The following PCDHGA7 variants were observed in gnomAD, a reference collection of about 807,000 sequenced individuals.
PCDHGA7 encodes protocadherin gamma subfamily A, 7.
A neutral mutation model predicts 58.3 loss-of-function variants in PCDHGA7; 44 were observed. The observed-to-expected ratio is 0.75, with a 90% CI of 0.59 to 0.97. The LOEUF is 0.97. Among genes scored for constraint, PCDHGA7 ranks in the 50% least tolerant of loss-of-function variants. PCDHGA7 has a pLI of 0.00. For missense variants in PCDHGA7, 1,266 were observed against 1,188.7 expected (o/e 1.06, Z -0.96); for synonymous variants, 516 against 504.2 (o/e 1.02, Z -0.31).
At chr5:141,388,969 C>A (rs1392290138) in intron 1 of PCDHGA7, 1 of 1,613,882 alleles carries the variant, frequency 6.2e-7, no homozygotes, top group Non-Finnish European at 8.5e-7. Context: ...GAGCTGGGAA[C>A]ACATATTGCT....
chr5:141,389,478 G>C (rs764977787), intron 1 of PCDHGA7: 1 of 1,613,150 alleles, frequency 6.2e-7, no homozygotes, highest in Non-Finnish European at 8.5e-7. Context: ...CACACTGCAG[G>C]CCCGCGACCA....
At chr5:141,389,394 T>C (rs753490190) in intron 1 of PCDHGA7, 2 of 1,613,672 alleles carry the variant, frequency 1.2e-6, no homozygotes, top group South Asian at 2.2e-5. Flanking sequence ...ATCCTACGTG[T>C]CCATAAGCGC....
Position 141,431,479 on chromosome 5 carries a change from A to T in PCDHGA7, c.2424+46156A>T. 1 of 1,613,892 alleles carries T rather than the reference A, an allele frequency of 6.2e-7. No individual in the cohort carries two copies. Among genetic ancestry groups the T allele is most frequent in the South Asian group, 1.1e-5 (1 of 91,092 alleles). On this transcript the variant is annotated intron_variant, in intron 1 of 3. Transcript: ENST00000518325. This position sits in a 1 kb window ranked among gnomAD's most constrained non-coding sequence, Gnocchi z 4.8. ...TTCTGGATGCGAACGACAACGCACC[A>T]GCGTTTGCTCAGCCCGAGTACCGCG...
At position 141,477,891 on chromosome 5, in the gene PCDHGA7, G is replaced by A. The variant is rs750359063; in HGVS notation, c.2425-16916G>A. 130 of 1,614,066 alleles carry A rather than the reference G, an allele frequency of 8.1e-5. 1 individual carries two copies. The highest frequency in any genetic ancestry group is 1.1e-4 in the Non-Finnish European group (125 of 1,180,050). On this transcript the variant is annotated intron_variant, in intron 1 of 3. Coordinates refer to ENST00000518325, the MANE Select transcript of PCDHGA7 (RefSeq NM_018920.4). The surrounding 1 kb of genome is among the most constrained non-coding windows in gnomAD (Gnocchi z 4.9). The stretch of plus-strand genomic sequence containing the variant: ...ACCTCAGCTGGCCACCTAGTGTCAC[G>A]GGTGGTAGGCTGGGACGCGGATGCA...
intron 1 of PCDHGA7, chr5:141,423,517 T>G (rs750915364): frequency 1.9e-6 from 3 of 1,613,716 alleles, no homozygotes; most frequent in Non-Finnish European, 2.5e-6. Flanking sequence ...CATTGCGGAC[T>G]CGCAGAAGAG....
At chr5:141,445,781 G>A (rs1424622281) in intron 1 of PCDHGA7, among the ~76,000 whole-genome samples, 25 of 152,112 alleles carry the variant, frequency 1.6e-4, no homozygotes, top group Admixed American at 1.6e-3. Flanking sequence ...AAAGGGCTAG[G>A]GAGGCTAGAA....
chr5:141,403,169 C>T, intron 1 of PCDHGA7: 13 of 1,614,016 alleles, frequency 8.1e-6, no homozygotes, highest in Non-Finnish European at 1.1e-5. Flanking sequence ...AGGTAGGACG[C>T]AGCTTTTCTC....
Position 141,490,693 on chromosome 5 carries a change from G to A in PCDHGA7, c.2425-4114G>A. On this transcript the variant is annotated intron_variant, in intron 1 of 3. Coordinates refer to ENST00000518325, the MANE Select transcript of PCDHGA7 (RefSeq NM_018920.4). This position sits in a 1 kb window ranked among gnomAD's most constrained non-coding sequence, Gnocchi z 5.4. ...GGCTGCCTCAGATCCAGACACTGGGGATAATGCCCGCCTCACCTACTCCAT... is the reference window on the plus strand; with the variant it reads ...GGCTGCCTCAGATCCAGACACTGGGAATAATGCCCGCCTCACCTACTCCAT... 1.9e-6 allele frequency: 3 copies of A among 1,614,170 alleles called. No homozygotes were observed. Among genetic ancestry groups the A allele is most frequent in the Non-Finnish European group, 2.5e-6 (3 of 1,180,018 alleles).
In PCDHGA7 at chr5:141,489,720, G is replaced by A. The variant is rs560729125; in HGVS notation, c.2425-5087G>A. ...TCCCACTGGACAGTGCCCAGGATCC[G>A]GATGTGGGCACCAATACTGTGAGCT... On this transcript the variant is annotated intron_variant, in intron 1 of 3. Transcript: ENST00000518325. The surrounding 1 kb of genome is among the most constrained non-coding windows in gnomAD (Gnocchi z 4.5). The A allele has an allele frequency of 3.2e-5, 51 of 1,614,200 alleles. No individual in the cohort carries two copies. The highest frequency in any genetic ancestry group is 9.3e-5 in the African/African-American group (7 of 75,048).
intron 3 of PCDHGA7, among the ~76,000 whole-genome samples, chr5:141,507,856 A>T (rs1200072170): frequency 1.3e-5 from 2 of 151,926 alleles, no homozygotes; most frequent in Non-Finnish European, 2.9e-5. Flanking sequence ...TCTCACTTTC[A>T]CACCCGCTTC....
chr5:141,414,726 C>G (rs761022941), intron 1 of PCDHGA7: 5 of 1,614,196 alleles, frequency 3.1e-6, no homozygotes, highest in Non-Finnish European at 4.2e-6. Context: ...ACACTGGCGT[C>G]CTGTATGCAC....
chr5:141,432,659 G>A lies in PCDHGA7; in HGVS notation c.2424+47336G>A. On this transcript the variant is annotated intron_variant, in intron 1 of 3. Coordinates refer to ENST00000518325, the MANE Select transcript of PCDHGA7 (RefSeq NM_018920.4). This position sits in a 1 kb window ranked among gnomAD's most constrained non-coding sequence, Gnocchi z 6.0. ...GGTGCGCACGGCGCGAGCCCTGCTG[G>A]ACAGAGACGCGCTCAAGCAGAGCCT... 1 of 1,613,884 alleles carries A rather than the reference G, an allele frequency of 6.2e-7. No homozygotes were observed. The highest frequency in any genetic ancestry group is 8.5e-7 in the Non-Finnish European group (1 of 1,179,956).
intron 1 of PCDHGA7, among the ~76,000 whole-genome samples, chr5:141,466,975 A>C (rs769024064): frequency 2.6e-5 from 4 of 151,842 alleles, no homozygotes; most frequent in Non-Finnish European, 5.9e-5. Context: ...CTCACAGCTC[A>C]TCATTTACCT....
chr5:141,490,605 C>A lies in PCDHGA7; in HGVS notation c.2425-4202C>A. On this transcript the variant is annotated intron_variant, in intron 1 of 3. Transcript: ENST00000518325. The surrounding 1 kb of genome is among the most constrained non-coding windows in gnomAD (Gnocchi z 5.4). ...TCAATGACAATGCACCCCGCTTCAA[C>A]CAGCAGCTTTACACTGCTTACATCC... 6.2e-6 allele frequency: 10 copies of A among 1,614,198 alleles called. No individual in the cohort carries two copies. The highest frequency in any genetic ancestry group is 8.5e-6 in the Non-Finnish European group (10 of 1,180,030).
At chr5:141,507,016 G>C (rs913170594) in intron 3 of PCDHGA7, 1 of 152,166 alleles carries the variant, frequency 6.6e-6, no homozygotes, top group African/African-American at 2.4e-5. Context: ...AACCGAGAAG[G>C]CACTTGCCCC....
At position 141,512,967 on chromosome 5, in the gene PCDHGA7, T is replaced by C. The variant is rs2099884538; in HGVS notation, c.*1794T>C. ...CGACAAAAAAATAATAAAACGTTTC[T>C]TCTGAAAAGCTGAACGTTTCTGTAT... On this transcript the variant is annotated 3_prime_UTR_variant, in exon 4 of 4. Transcript: ENST00000518325. The C allele has an allele frequency of 6.6e-6, 1 of 152,260 alleles. No individual in the cohort carries two copies. Among genetic ancestry groups the C allele is most frequent in the South Asian group, 2.1e-4 (1 of 4,832 alleles). The allele number at this position is 152,260 out of a possible 1,614,324, so 9.4% of individuals were successfully genotyped here.
chr5:141,478,851 C>T, intron 1 of PCDHGA7: 1 of 1,374,810 alleles, frequency 7.3e-7, no homozygotes, highest in Non-Finnish European at 9.6e-7. Context: ...AGCTAAAACA[C>T]AAGATCTCAG....
chr5:141,436,743 C>A (rs991678215), intron 1 of PCDHGA7, among the ~76,000 whole-genome samples: 3 of 152,158 alleles, frequency 2.0e-5, no homozygotes, highest in Non-Finnish European at 4.4e-5. Flanking sequence ...TTTTTGTGTG[C>A]TTCTCCATAT....
rs552812176 is a variant in PCDHGA7, at chr5:141,497,407, A to G, written c.2483+2542A>G. Among the ~76,000 whole-genome samples, 43 of 152,204 alleles carry G rather than the reference A, an allele frequency of 2.8e-4. No individual in the cohort carries two copies. In the Middle Eastern group the frequency reaches 0.01, roughly 36 times the overall value. The stretch of plus-strand genomic sequence containing the variant: ...GCACCTTACCCCTGCCTCAACTCCC[A>G]TTCCATCAAATGAGAGGCTTAGTGG... On this transcript the variant is annotated intron_variant, in intron 2 of 3. Coordinates refer to ENST00000518325, the MANE Select transcript of PCDHGA7 (RefSeq NM_018920.4).
Sources: gnomAD v4.1 joint callset for allele counts (sites outside exome capture counted in the v4.1 genomes callset) on GRCh38, gnomAD v4.1.1 for gene constraint, Gnocchi (gnomAD v3.1) non-coding constraint, MANE v1.5 for transcripts, NCBI Gene and HGNC (gene_info 2026-07-23, HGNC 2026-07-21) for gene names.